LAMA3: variants seen among roughly 807,000 people sequenced by gnomAD.
LAMA3 encodes the protein laminin subunit alpha 3, also known as laminin subunit alpha-3.
In LAMA3, 281 loss-of-function variants were observed where a neutral mutation model predicts 402.0. The ratio of observed to expected loss-of-function variants is 0.70; its 90% CI spans 0.63 to 0.77. The LOEUF is 0.77. Ranked by LOEUF, LAMA3 falls within the 30% of genes least tolerant of loss-of-function variation. The pLI is 0.00. For synonymous variants in LAMA3, 1,431 were observed against 1,558.4 expected, an observed-to-expected ratio of 0.92 and a Z score of 1.93; for missense variants, 3,840 against 4,215.5, an observed-to-expected ratio of 0.91 and a Z score of 2.47.
chr18:23,804,355 G>C (rs1216708505), intron 12 of LAMA3, among the ~76,000 whole-genome samples: 2 of 152,192 alleles, frequency 1.3e-5, no homozygotes, highest in African/African-American at 2.4e-5. Flanking sequence ...TGGACCTGCT[G>C]CAGAGCCTTC....
chr18:23,915,724 G>C (rs1487539807), intron 59 of LAMA3, among the ~76,000 whole-genome samples: 3 of 151,994 alleles, frequency 2.0e-5, no homozygotes, highest in Non-Finnish European at 4.4e-5. Flanking sequence ...CTGATCTAGA[G>C]GCCTGATTTA....
chr18:23,849,272 T>A (rs1485834967), intron 32 of LAMA3, among the ~76,000 whole-genome samples: 1 of 152,234 alleles, frequency 6.6e-6, no homozygotes, highest in South Asian at 2.1e-4. Flanking sequence ...TTGATAATAC[T>A]GGAACCTTGT....
intron 74 of LAMA3, among the ~76,000 whole-genome samples, chr18:23,953,354 T>C (rs2082993814): frequency 6.6e-6 from 1 of 150,866 alleles, no homozygotes; most frequent in Non-Finnish European, 1.5e-5. Context: ...TTTTTTGTTT[T>C]TTTTTGAGAT....
Position 23,702,317 on chromosome 18 carries a change from A to C in LAMA3, c.295-11603A>C, listed in dbSNP as rs2060805205. Among the ~76,000 whole-genome samples, 3 of 152,136 alleles carry C rather than the reference A, an allele frequency of 2.0e-5. No homozygotes were observed. The South Asian group carries it at 6.2e-4, about 32-fold the overall frequency. ...CTAACGGCAAGCATCTTCCTTTCTA[A>C]AGGAAGCTTCTTTCTTCTTTTTCTA... is the stretch of plus-strand genomic sequence containing the variant. On this transcript the variant is annotated intron_variant, in intron 1 of 74. Coordinates refer to ENST00000313654, the MANE Select transcript of LAMA3 (RefSeq NM_198129.4).
At chr18:23,763,955 T>C (rs1281719208) in intron 8 of LAMA3, among the ~76,000 whole-genome samples, 1 of 152,176 alleles carries the variant, frequency 6.6e-6, no homozygotes, top group African/African-American at 2.4e-5. Context: ...TTCATAGACA[T>C]CAAATATGAA....
chr18:23,886,724 C>T (rs1346395275), intron 41 of LAMA3, among the ~76,000 whole-genome samples: 3 of 152,042 alleles, frequency 2.0e-5, no homozygotes, highest in South Asian at 2.1e-4. Context: ...TTTGTTTAAC[C>T]GGAAAATGAA....
chr18:23,709,943 G>C (rs2060959503), intron 1 of LAMA3: 1 of 720,836 alleles, frequency 1.4e-6, no homozygotes, highest in Non-Finnish European at 2.5e-6. Flanking sequence ...CAATGTCATA[G>C]AGCTTCTTCA....
chr18:23,904,630 A>G lies in LAMA3; in HGVS notation c.6551A>G (p.Asn2184Ser). 4 of 1,613,922 alleles carry G rather than the reference A, an allele frequency of 2.5e-6. No individual in the cohort carries two copies. Among genetic ancestry groups the G allele is most frequent in the Non-Finnish European group, 2.5e-6 (3 of 1,179,982 alleles). The change falls in exon 51 of 75, where the codon AAT becomes AGT. Residue 2184 changes from asparagine (N) to serine (S), a missense_variant. Around this residue, in one of 3 missense-constraint regions of LAMA3, gnomAD observed 891 missense variants for 857.5 expected, o/e 1.04. Coordinates refer to ENST00000313654, the MANE Select transcript of LAMA3 (RefSeq NM_198129.4). ...GCCACCGCCTACGAGAACATCCTCAATGCCATCAAAGCGGCCGAGGACGCA... is the reference window on the plus strand; with the variant it reads ...GCCACCGCCTACGAGAACATCCTCAGTGCCATCAAAGCGGCCGAGGACGCA... Reference protein sequence around the residue: ...DAATAYENILNAIKAAEDAAN... With the variant: ...DAATAYENILSAIKAAEDAAN...
At chr18:23,793,583 G>C (rs1315501613) in intron 12 of LAMA3, among the ~76,000 whole-genome samples, 4 of 151,652 alleles carry the variant, frequency 2.6e-5, no homozygotes, top group Non-Finnish European at 5.9e-5. Flanking sequence ...TTTGAGATTA[G>C]CATAGGGCTG....
intron 1 of LAMA3, among the ~76,000 whole-genome samples, chr18:23,702,911 A>T (rs185989710): frequency 5.6e-4 from 85 of 152,250 alleles, no homozygotes; most frequent in African/African-American, 2.0e-3. Context: ...CCCTCTCTAT[A>T]AAAGGGTCTG....
rs1276202543 is a variant in LAMA3 at position 23,914,771 on chromosome 18, G to A, written c.7555G>A (p.Asp2519Asn). The A allele has an allele frequency of 6.2e-7, 1 of 1,613,352 alleles. No individual in the cohort carries two copies. The highest frequency in any genetic ancestry group is 8.5e-7 in the Non-Finnish European group (1 of 1,179,316). The part of the protein sequence containing the change: ...SSKPETPGVY[D>N]MDGRNSNTLL... Reference sequence around the variant, plus strand: ...TAAACCAGAAACACCCGGAGTCTATGACATGGATGGTAGAAATAGCAATAC... The same window carrying A: ...TAAACCAGAAACACCCGGAGTCTATAACATGGATGGTAGAAATAGCAATAC... The change falls in exon 58 of 75, where the codon GAC (aspartate) becomes AAC (asparagine). Residue 2519 changes from aspartate to asparagine, a missense_variant. Coordinates refer to ENST00000313654, the MANE Select transcript of LAMA3 (RefSeq NM_198129.4).
chr18:23,754,152 G>A (rs2061801183), intron 6 of LAMA3, among the ~76,000 whole-genome samples: 1 of 152,108 alleles, frequency 6.6e-6, no homozygotes, highest in Non-Finnish European at 1.5e-5. Flanking sequence ...TGGGATCAGG[G>A]TATACATTTC....
At chr18:23,782,385 G>C (rs1403884194) in intron 11 of LAMA3, among the ~76,000 whole-genome samples, 2 of 151,980 alleles carry the variant, frequency 1.3e-5, no homozygotes, top group Non-Finnish European at 2.9e-5. Context: ...GTGAAACCTT[G>C]TCTCTACTAA....
At chr18:23,829,371 A>G (rs1476505889) in intron 23 of LAMA3, among the ~76,000 whole-genome samples, 1 of 152,182 alleles carries the variant, frequency 6.6e-6, no homozygotes, top group Non-Finnish European at 1.5e-5. Context: ...GTTTACAGGC[A>G]TATTGGCTTA....
chr18:23,710,136 G>A (rs964555410), intron 1 of LAMA3: 6 of 700,886 alleles, frequency 8.6e-6, no homozygotes, highest in Non-Finnish European at 1.6e-5. Context: ...TGGAGTCGCC[G>A]TGTCGTGGGC....
intron 32 of LAMA3, among the ~76,000 whole-genome samples, chr18:23,855,011 A>T (rs1182360425): frequency 1.3e-5 from 2 of 151,958 alleles, no homozygotes; most frequent in East Asian, 1.9e-4. Flanking sequence ...AAATAAAAAA[A>T]TTTAAAAAAA....
chr18:23,709,418 T>C (rs2060948192), intron 1 of LAMA3, among the ~76,000 whole-genome samples: 1 of 151,450 alleles, frequency 6.6e-6, no homozygotes, highest in Non-Finnish European at 1.5e-5. Flanking sequence ...AAATAAATAA[T>C]AACAGTTTTA....
At chr18:23,734,202 CTG>C (rs1027524698) in intron 2 of LAMA3, among the ~76,000 whole-genome samples, 1 of 152,238 alleles carries the variant, frequency 6.6e-6, no homozygotes, top group Non-Finnish European at 1.5e-5. Context: ...ACATCATTGT[CTG>C]TACTCCTGGC....
chr18:23,882,299 C>T (rs2064924930), intron 40 of LAMA3, among the ~76,000 whole-genome samples: 2 of 152,070 alleles, frequency 1.3e-5, no homozygotes, highest in Admixed American at 1.3e-4. Flanking sequence ...CTCAATAAAG[C>T]TGTGATATTA....
Sources: gnomAD v4.1 joint callset for allele counts (sites outside exome capture counted in the v4.1 genomes callset) on GRCh38, gnomAD v4.1.1 for gene constraint, gnomAD v4.1.1 regional missense constraint, MANE v1.5 for transcripts, NCBI Gene and HGNC (gene_info 2026-07-23, HGNC 2026-07-21) for gene names.